Variants in PVT1 observed in about 807,000 individuals in gnomAD.
PVT1 encodes Pvt1 oncogene, also known as CXCR4/PVT1 fusion.
intron 4 of PVT1, among the ~76,000 whole-genome samples, chr8:128,028,440 C>T (rs1438275855): frequency 6.6e-6 from 1 of 152,234 alleles, no homozygotes; most frequent in Non-Finnish European, 1.5e-5. Context: ...GCAGTGCATC[C>T]CACAGCCTCT....
intron 2 of PVT1, among the ~76,000 whole-genome samples, chr8:127,843,317 C>T (rs1814993387): frequency 6.6e-6 from 1 of 152,210 alleles, no homozygotes; most frequent in African/African-American, 2.4e-5. Context: ...TGCACTCCAG[C>T]TTGCGCAACA....
chr8:128,084,063 C>T (rs1370140861), intron 5 of PVT1, among the ~76,000 whole-genome samples: 1 of 152,148 alleles, frequency 6.6e-6, no homozygotes, highest in Non-Finnish European at 1.5e-5. Flanking sequence ...CTGCAGGAGC[C>T]TCCTAATCTA....
intron 2 of PVT1, among the ~76,000 whole-genome samples, chr8:127,848,532 A>C (rs1354814999): frequency 6.6e-6 from 1 of 151,106 alleles, no homozygotes; most frequent in Non-Finnish European, 1.5e-5. Context: ...AAAAATACAA[A>C]ATTAGCCGGG....
chr8:127,840,653 T>C (rs1398673625), intron 2 of PVT1, among the ~76,000 whole-genome samples: 2 of 152,222 alleles, frequency 1.3e-5, no homozygotes, highest in Admixed American at 1.3e-4. Context: ...GCTCCTGGCC[T>C]TGGGGACCCT....
intron 4 of PVT1, among the ~76,000 whole-genome samples, chr8:127,990,562 A>G (rs1326232486): frequency 2.6e-5 from 4 of 152,252 alleles, no homozygotes; most frequent in Admixed American, 6.5e-5. Context: ...CCTATCATGA[A>G]TTTGAAAGCT....
At chr8:127,852,715 G>T (rs181464098) in intron 2 of PVT1, among the ~76,000 whole-genome samples, 1 of 152,250 alleles carries the variant, frequency 6.6e-6, no homozygotes, top group East Asian at 1.9e-4. Flanking sequence ...TGATGTTATT[G>T]GTCCTTTATT....
intron 3 of PVT1, among the ~76,000 whole-genome samples, chr8:127,938,319 C>T (rs555983246): frequency 9.9e-4 from 150 of 152,232 alleles, no homozygotes; most frequent in African/African-American, 3.3e-3. Context: ...CCGAGGAAGC[C>T]CCATCCTGAG....
chr8:127,977,996 C>T (rs1189135333), intron 3 of PVT1, among the ~76,000 whole-genome samples: 1 of 152,164 alleles, frequency 6.6e-6, no homozygotes, highest in African/African-American at 2.4e-5. Flanking sequence ...TATATTTACC[C>T]CAGCATCTGA....
At chr8:127,855,836 G>T (rs1292842982) in intron 2 of PVT1, among the ~76,000 whole-genome samples, 1 of 152,230 alleles carries the variant, frequency 6.6e-6, no homozygotes, top group Non-Finnish European at 1.5e-5. Flanking sequence ...AGGAGCGGAG[G>T]CATGAAAGGT....
At chr8:127,806,282 A>G (rs1179029818) in intron 2 of PVT1, among the ~76,000 whole-genome samples, 1 of 152,076 alleles carries the variant, frequency 6.6e-6, no homozygotes, top group Admixed American at 6.6e-5. Flanking sequence ...CCAACATGGT[A>G]AAACCTCATT....
At chr8:127,802,370 C>T (rs201254885) in intron 2 of PVT1, among the ~76,000 whole-genome samples, 9 of 152,164 alleles carry the variant, frequency 5.9e-5, no homozygotes, top group South Asian at 2.1e-4. Context: ...TGTGTCACCA[C>T]GCCCAGCTAA....
intron 4 of PVT1, among the ~76,000 whole-genome samples, chr8:128,069,241 A>G (rs1403738490): frequency 2.0e-5 from 3 of 152,246 alleles, no homozygotes; most frequent in Non-Finnish European, 4.4e-5. Flanking sequence ...TGGAATAATA[A>G]GAGCATGACA....
At chr8:128,023,494 T>G (rs574451066) in intron 4 of PVT1, among the ~76,000 whole-genome samples, 1 of 152,228 alleles carries the variant, frequency 6.6e-6, no homozygotes, top group Non-Finnish European at 1.5e-5. Flanking sequence ...CAGTAATAAC[T>G]ATTACTATTA....
intron 5 of PVT1, among the ~76,000 whole-genome samples, chr8:128,089,387 C>T (rs1814319152): frequency 6.6e-6 from 1 of 152,124 alleles, no homozygotes; most frequent in African/African-American, 2.4e-5. Context: ...GTACTAATCT[C>T]AGTCATGTGG....
At chr8:127,814,424 T>C (rs1814636328) in intron 2 of PVT1, among the ~76,000 whole-genome samples, 1 of 152,220 alleles carries the variant, frequency 6.6e-6, no homozygotes, top group African/African-American at 2.4e-5. Context: ...CAGGAGGGGC[T>C]GAGTTGTGTC....
At chr8:128,015,385 T>C (rs1173010823) in intron 4 of PVT1, among the ~76,000 whole-genome samples, 1 of 152,132 alleles carries the variant, frequency 6.6e-6, no homozygotes, top group Non-Finnish European at 1.5e-5. Flanking sequence ...CCACTGTGCC[T>C]GTCTGAGAAG....
chr8:127,956,280 G>T (rs28431092), intron 3 of PVT1, among the ~76,000 whole-genome samples: 1 of 152,194 alleles, frequency 6.6e-6, no homozygotes, highest in Non-Finnish European at 1.5e-5. Flanking sequence ...GGCTGAGAGG[G>T]GCCTGCCCCT....
intron 2 of PVT1, among the ~76,000 whole-genome samples, chr8:127,883,061 A>ATCAC (rs1815487461): frequency 1.4e-5 from 1 of 72,096 alleles, no homozygotes; most frequent in Admixed American, 1.4e-4. Flanking sequence ...ATGCACACAC[A>ATCAC]TCACACACAC....
At chr8:128,049,720 G>T (rs964766775) in intron 4 of PVT1, among the ~76,000 whole-genome samples, 1 of 152,162 alleles carries the variant, frequency 6.6e-6, no homozygotes, top group African/African-American at 2.4e-5. Context: ...TCCTTCCACT[G>T]CCTCCCTGCT....
Sources: gnomAD v4.1 joint callset for allele counts (sites outside exome capture counted in the v4.1 genomes callset) on GRCh38, gnomAD v4.1.1 for gene constraint, MANE v1.5 for transcripts, NCBI Gene and HGNC (gene_info 2026-07-23, HGNC 2026-07-21) for gene names.